CNTN6: variants seen among roughly 807,000 people sequenced by gnomAD.
The protein encoded by CNTN6 is contactin-6.
In CNTN6, 137 loss-of-function variants were observed where a neutral mutation model predicts 122.8. That is an observed-to-expected ratio of 1.12 (90% CI 0.97 to 1.29). The LOEUF (loss-of-function observed/expected upper bound fraction) is 1.29, where lower values mean the gene tolerates loss of function less well. Among genes scored for constraint, CNTN6 ranks in the 50% most tolerant of loss-of-function variants. The probability of loss-of-function intolerance (pLI) is 0.00; values close to 1 mark genes in which losing one functional copy is unlikely to be tolerated. For synonymous variants in CNTN6, 570 were observed against 426.0 expected (o/e 1.34, Z -4.16); for missense variants, 1,634 against 1,223.4 (o/e 1.34, Z -5.01).
chr3:1,395,301 C>T (rs558629849), intron 20 of CNTN6, among the ~76,000 whole-genome samples: 2 of 152,286 alleles, frequency 1.3e-5, no homozygotes, highest in East Asian at 1.9e-4. Context: ...TTGCTTATCA[C>T]ACATTTTTGG....
chr3:1,248,216 T>C (rs1244380434), intron 4 of CNTN6, among the ~76,000 whole-genome samples: 2 of 152,208 alleles, frequency 1.3e-5, no homozygotes, highest in Non-Finnish European at 1.5e-5. Flanking sequence ...GGTAACATAT[T>C]CTAGTTCTCA....
rs183391314 is a variant in CNTN6 at position 1,225,044 on chromosome 3, A to T, written c.183-2774A>T. On this transcript the variant is annotated intron_variant, in intron 3 of 22. Coordinates refer to ENST00000446702, the MANE Select transcript of CNTN6 (RefSeq NM_001289080.2). Reference sequence around the variant, plus strand: ...ATTACAGGCGTGAACCACCGCACCTAGCCCAGCCATTATTCTTGACACAGG... The same window carrying T: ...ATTACAGGCGTGAACCACCGCACCTTGCCCAGCCATTATTCTTGACACAGG... Among the ~76,000 whole-genome samples, 168 of 152,248 alleles carry T rather than the reference A, an allele frequency of 1.1e-3. 1 individual carries two copies. The highest frequency in any genetic ancestry group is 1.9e-3 in the Non-Finnish European group (129 of 68,008).
Position 1,245,226 on chromosome 3 carries a change from A to G in CNTN6, c.358+17233A>G, listed in dbSNP as rs1559595391. On this transcript the variant is annotated intron_variant, in intron 4 of 22. Coordinates refer to ENST00000446702, the MANE Select transcript of CNTN6 (RefSeq NM_001289080.2). ...TATATATATATATATATATATATAT[A>G]TATATATATACACACACACATATAT... 4.0e-3 allele frequency among the ~76,000 whole-genome samples: 63 copies of G among 15,644 alleles called. 16 individuals carry two copies. Among genetic ancestry groups the G allele is most frequent in the African/African-American group, 0.027 (60 of 2,222 alleles). 10.3% of individuals were successfully genotyped at this position (15,644 alleles called of 152,430 possible).
intron 11 of CNTN6, among the ~76,000 whole-genome samples, chr3:1,341,223 T>C (rs1277007255): frequency 2.0e-5 from 3 of 152,056 alleles, no homozygotes; most frequent in Middle Eastern, 3.2e-3. Context: ...AAGTCCTGCA[T>C]TCACACATTT....
At chr3:1,380,309 C>T (rs879615412) in intron 17 of CNTN6, among the ~76,000 whole-genome samples, 1 of 152,096 alleles carries the variant, frequency 6.6e-6, no homozygotes, top group Admixed American at 6.6e-5. Flanking sequence ...ATATCTTTCC[C>T]GTGTTTTCCC....
chr3:1,180,248 A>G (rs2093530062), intron 2 of CNTN6, among the ~76,000 whole-genome samples: 1 of 152,208 alleles, frequency 6.6e-6, no homozygotes, highest in Non-Finnish European at 1.5e-5. Context: ...AGATACATAA[A>G]GAAAGAGCAC....
At chr3:1,170,006 G>A (rs552411687) in intron 2 of CNTN6, among the ~76,000 whole-genome samples, 10 of 152,038 alleles carry the variant, frequency 6.6e-5, no homozygotes, top group South Asian at 6.2e-4. Context: ...AGGCCGAGGC[G>A]GGCGGATCAC....
At chr3:1,317,588 A>T (rs1212416246) in intron 7 of CNTN6, among the ~76,000 whole-genome samples, 8 of 151,666 alleles carry the variant, frequency 5.3e-5, no homozygotes, top group African/African-American at 9.7e-5. Flanking sequence ...TGCTTTCTCT[A>T]TTTGGTGGAA....
chr3:1,167,546 C>G (rs756714448), intron 2 of CNTN6, among the ~76,000 whole-genome samples: 1 of 152,144 alleles, frequency 6.6e-6, no homozygotes, highest in Non-Finnish European at 1.5e-5. Context: ...AACAGCCATA[C>G]GACATTTCCT....
intron 12 of CNTN6, among the ~76,000 whole-genome samples, chr3:1,369,895 G>A (rs1441228725): frequency 6.7e-6 from 1 of 148,420 alleles, no homozygotes; most frequent in Non-Finnish European, 1.5e-5. Flanking sequence ...ATGTTTTTAA[G>A]TTTTTTAGGT....
intron 4 of CNTN6, among the ~76,000 whole-genome samples, chr3:1,255,233 A>T (rs1409890504): frequency 6.6e-6 from 1 of 152,096 alleles, no homozygotes; most frequent in Non-Finnish European, 1.5e-5. Flanking sequence ...GAAAGAGACT[A>T]TGCCTCTGAT....
chr3:1,368,992 ATCT>A (rs1372444077), intron 12 of CNTN6, among the ~76,000 whole-genome samples: 2 of 152,122 alleles, frequency 1.3e-5, no homozygotes, highest in East Asian at 3.8e-4. Flanking sequence ...CTCCAGCTTC[ATCT>A]TCTTCGCTTT....
chr3:1,401,267 T>C (rs3816445), intron 20 of CNTN6, 166 bp from the exon 21 acceptor site: 91,805 of 573,020 alleles, frequency 0.16, 8,507 homozygotes, highest in East Asian at 0.3. Flanking sequence ...TTTGAATAAA[T>C]TTGCTTACTG....
chr3:1,153,899 CAG>C (rs1342162059), intron 2 of CNTN6, among the ~76,000 whole-genome samples: 3 of 152,140 alleles, frequency 2.0e-5, no homozygotes, highest in Admixed American at 2.0e-4. Context: ...TCCTTTGGGT[CAG>C]AGTGTGAATG....
At chr3:1,199,154 A>G (rs1393717979) in intron 2 of CNTN6, among the ~76,000 whole-genome samples, 17 of 150,860 alleles carry the variant, frequency 1.1e-4, no homozygotes, top group Admixed American at 1.1e-3. Flanking sequence ...TAGACTCCTG[A>G]ACCATGAGAG....
chr3:1,157,579 A>T (rs1559418354), intron 2 of CNTN6, among the ~76,000 whole-genome samples: 1 of 152,154 alleles, frequency 6.6e-6, no homozygotes, highest in Non-Finnish European at 1.5e-5. Flanking sequence ...GTGCTATCAA[A>T]TACTAGCTTT....
intron 7 of CNTN6, among the ~76,000 whole-genome samples, chr3:1,312,546 C>A (rs533222557): frequency 3.6e-4 from 54 of 150,532 alleles, no homozygotes; most frequent in Non-Finnish European, 7.1e-4. Context: ...AGCTTCTACT[C>A]AAATTTGGAG....
intron 1 of CNTN6, among the ~76,000 whole-genome samples, chr3:1,122,135 G>A (rs944279069): frequency 2.0e-5 from 3 of 151,832 alleles, no homozygotes; most frequent in African/African-American, 7.3e-5. Flanking sequence ...CTATATAAAT[G>A]TCTTCTTAAA....
At chr3:1,232,414 C>T (rs2094363985) in intron 4 of CNTN6, among the ~76,000 whole-genome samples, 1 of 152,260 alleles carries the variant, frequency 6.6e-6, no homozygotes, top group South Asian at 2.1e-4. Context: ...CAGCTACTTC[C>T]TGTCTCAACA....
Sources: allele counts gnomAD v4.1 joint callset (sites outside exome capture counted in the v4.1 genomes callset), GRCh38; gene constraint gnomAD v4.1.1; transcripts MANE v1.5; gene names NCBI Gene and HGNC (gene_info 2026-07-23, HGNC 2026-07-21).